Variants in SPATA7 observed in about 807,000 individuals in gnomAD.
The protein encoded by SPATA7 is spermatogenesis associated 7.
In SPATA7, 43 loss-of-function variants were observed where a neutral mutation model predicts 51.8. The ratio of observed to expected loss-of-function variants is 0.83; its 90% CI spans 0.65 to 1.07. The LOEUF is 1.07. Among genes scored for constraint, SPATA7 ranks in the 50% least tolerant of loss-of-function variants. SPATA7 has a pLI of 0.00. For missense variants in SPATA7, 683 were observed against 701.3 expected, an observed-to-expected ratio of 0.97 and a Z score of 0.30; for synonymous variants, 230 against 252.8, an observed-to-expected ratio of 0.91 and a Z score of 0.86.
At chr14:88,422,931 G>A (rs1199575105) in intron 5 of SPATA7, among the ~76,000 whole-genome samples, 1 of 152,052 alleles carries the variant, frequency 6.6e-6, no homozygotes, top group Non-Finnish European at 1.5e-5. Flanking sequence ...TCACTGTAAA[G>A]GCTGCTATAG....
At chr14:88,432,840 T>C in intron 9 of SPATA7, 3 of 272,966 alleles carry the variant, frequency 1.1e-5, no homozygotes, top group Non-Finnish European at 2.1e-5. Context: ...TTGCGCCTTG[T>C]CCTTCGTTGC....
At chr14:88,459,005 G>T (rs1315971025), downstream of SPATA7, among the ~76,000 whole-genome samples, 3 of 152,176 alleles carry the variant, frequency 2.0e-5, no homozygotes, top group Admixed American at 2.0e-4. Context: ...GGAGAAGGTT[G>T]TTCAGTTTCC....
intron 5 of SPATA7, among the ~76,000 whole-genome samples, chr14:88,421,613 G>T (rs953342436): frequency 6.6e-6 from 1 of 152,164 alleles, no homozygotes. Flanking sequence ...ATGATTCTAT[G>T]ACAGCAGAGA....
intron 3 of SPATA7, among the ~76,000 whole-genome samples, chr14:88,449,157 GA>G (rs1479276233): frequency 6.6e-6 from 1 of 152,012 alleles, no homozygotes; most frequent in Non-Finnish European, 1.5e-5. Context: ...TGTGACCTTA[GA>G]TTGTCTATTT....
At chr14:88,440,324 G>A (rs116184234), downstream of SPATA7, among the ~76,000 whole-genome samples, 1,432 of 152,240 alleles carry the variant, frequency 9.4e-3, 9 homozygotes, top group African/African-American at 0.033. Context: ...ACAGCTTCTT[G>A]TCTCTGGGGC....
At position 88,391,454 on chromosome 14, in the gene SPATA7, T is replaced by C. The variant is rs779315409; in HGVS notation, c.93T>C (p.Asn31=). ...AAGGACACTTGAGCACCAAAAGTAA[T>C]GGTAAGTGAGGTGCTTAAAACGGCA... ...LFKGHLSTKS[N]AFCTDSSSLR... Residue 31 remains asparagine (N), a splice_region_variant and synonymous_variant, in exon 2 of 12, where the codon AAT becomes AAC. Transcript: ENST00000393545. 2 of 1,613,266 alleles carry C rather than the reference T, an allele frequency of 1.2e-6. No individual in the cohort carries two copies. Among genetic ancestry groups the C allele is most frequent in the South Asian group, 2.2e-5 (2 of 91,004 alleles).
intron 11 of SPATA7, 55 bp from the exon 12 acceptor site, chr14:88,437,783 C>G: frequency 6.6e-7 from 1 of 1,518,510 alleles, no homozygotes; most frequent in Non-Finnish European, 8.9e-7. Flanking sequence ...GCACTGCAGT[C>G]AAAATTTAAT....
At chr14:88,388,870 C>T (rs576510276) in intron 1 of SPATA7, among the ~76,000 whole-genome samples, 2 of 152,288 alleles carry the variant, frequency 1.3e-5, no homozygotes, top group Admixed American at 6.5e-5. Flanking sequence ...TTAGAGAAGG[C>T]GTGATTGTGC....
At chr14:88,433,108 A>G in intron 9 of SPATA7, 27 bp from the exon 10 acceptor site, 3 of 1,560,494 alleles carry the variant, frequency 1.9e-6, no homozygotes, top group Non-Finnish European at 2.6e-6. Context: ...AATAATTTTT[A>G]TGCTATATAT....
intron 11 of SPATA7, 63 bp downstream of exon 11, chr14:88,437,660 T>C (rs1207514530): frequency 2.1e-6 from 3 of 1,441,452 alleles, no homozygotes; most frequent in Admixed American, 1.8e-5. Flanking sequence ...TATGGTTTTT[T>C]TCATACCTTC....
intron 4 of SPATA7, chr14:88,468,416 T>C: frequency 1.4e-6 from 1 of 726,560 alleles, no homozygotes; most frequent in Non-Finnish European, 2.2e-6. Flanking sequence ...CATGATTGCC[T>C]ACTTCTGATT....
chr14:88,465,275 T>C (rs983711414), intron 4 of SPATA7, among the ~76,000 whole-genome samples: 3 of 152,160 alleles, frequency 2.0e-5, no homozygotes, highest in Admixed American at 2.0e-4. Flanking sequence ...GAGACCAGCC[T>C]GGCCAACATG....
chr14:88,418,879 A>G (rs2076558297), intron 5 of SPATA7, among the ~76,000 whole-genome samples: 3 of 152,222 alleles, frequency 2.0e-5, no homozygotes, highest in South Asian at 4.1e-4. Context: ...ACAGATTTCT[A>G]GCCTAATTGT....
At chr14:88,460,367 T>C (rs1208155747) in intron 4 of SPATA7, among the ~76,000 whole-genome samples, 1 of 151,868 alleles carries the variant, frequency 6.6e-6, no homozygotes, top group Admixed American at 6.6e-5. Context: ...AAATTTGGTC[T>C]TTTCACATAG....
At chr14:88,466,124 G>A (rs1433239010) in intron 4 of SPATA7, 1 of 152,080 alleles carries the variant, frequency 6.6e-6, no homozygotes, top group African/African-American at 2.4e-5. Flanking sequence ...AATAGTTCCA[G>A]TAAAAAGTTC....
chr14:88,390,193 TAAATTAGCCTTTTGACTACAAATGAAG>T (rs1247323460), intron 1 of SPATA7, among the ~76,000 whole-genome samples: 3 of 152,124 alleles, frequency 2.0e-5, no homozygotes, highest in African/African-American at 7.2e-5. Context: ...TACCACTCAA[TAAATTAGCCTTTTGACTACAAATGAAG>T]AAATCAACTC....
At chr14:88,387,908 A>G (rs566701992) in intron 1 of SPATA7, among the ~76,000 whole-genome samples, 1 of 152,202 alleles carries the variant, frequency 6.6e-6, no homozygotes, top group African/African-American at 2.4e-5. Flanking sequence ...GAGACAACCT[A>G]TTAGTATATT....
intron 4 of SPATA7, among the ~76,000 whole-genome samples, chr14:88,396,439 C>T (rs2075881649): frequency 6.6e-6 from 1 of 152,170 alleles, no homozygotes; most frequent in Admixed American, 6.5e-5. Context: ...ACATTCTTTT[C>T]TATCACTATG....
intron 4 of SPATA7, among the ~76,000 whole-genome samples, chr14:88,464,306 C>T (rs1162996932): frequency 2.0e-5 from 3 of 152,106 alleles, no homozygotes; most frequent in Non-Finnish European, 4.4e-5. Context: ...AAAGAAAGCA[C>T]CCTGCAATTT....
Sources: gnomAD v4.1 joint callset for allele counts (sites outside exome capture counted in the v4.1 genomes callset) on GRCh38, gnomAD v4.1.1 for gene constraint, MANE v1.5 for transcripts, NCBI Gene and HGNC (gene_info 2026-07-23, HGNC 2026-07-21) for gene names.